The following SEMA3A variants were observed in gnomAD, a reference collection of about 807,000 sequenced individuals.
SEMA3A encodes semaphorin-3A.
A neutral mutation model predicts 97.9 loss-of-function variants in SEMA3A; 29 were observed. That is an observed-to-expected ratio of 0.30 (90% CI 0.22 to 0.40). SEMA3A has a LOEUF of 0.40. Among genes scored for constraint, SEMA3A ranks in the 10% least tolerant of loss-of-function variants. The probability of loss-of-function intolerance (pLI) is 1.00; values close to 1 mark genes in which losing one functional copy is unlikely to be tolerated. For missense variants in SEMA3A, 763 were observed against 951.3 expected (o/e 0.80, Z 2.60); for synonymous variants, 321 against 323.7 (o/e 0.99, Z 0.09).
Position 84,084,275 on chromosome 7 carries a change from T to C in SEMA3A, c.454-23717A>G, listed in dbSNP as rs141836952. Among the ~76,000 whole-genome samples, 499 of 152,224 alleles carry C rather than the reference T, an allele frequency of 3.3e-3. 1 individual carries two copies. The highest frequency in any genetic ancestry group is 0.012 in the African/African-American group (481 of 41,576). ...AAAGCTGATTATAAAGGCCAATGAC[T>C]ACCTGGCTATTGTTTTTACTTAGTC... is the stretch of plus-strand genomic sequence containing the variant. On this transcript the variant is annotated intron_variant, in intron 4 of 16. Transcript: ENST00000265362.
chr7:83,997,184 A>C (rs1180287606), intron 12 of SEMA3A, among the ~76,000 whole-genome samples: 1 of 152,210 alleles, frequency 6.6e-6, no homozygotes, highest in Non-Finnish European at 1.5e-5. Context: ...GGGTAACATT[A>C]AATGTCTTTA....
intron 5 of SEMA3A, among the ~76,000 whole-genome samples, chr7:84,050,572 T>C (rs1792579961): frequency 6.6e-6 from 1 of 152,108 alleles, no homozygotes. Flanking sequence ...TTTTTTCTTG[T>C]AAATTTGTTT....
intron 5 of SEMA3A, among the ~76,000 whole-genome samples, chr7:84,048,255 T>C (rs1018518137): frequency 6.6e-6 from 1 of 151,982 alleles, no homozygotes; most frequent in African/African-American, 2.4e-5. Context: ...TAAATCTGAA[T>C]TGCTCTCACT....
intron 1 of SEMA3A, among the ~76,000 whole-genome samples, chr7:84,172,647 C>T (rs1284194248): frequency 2.6e-5 from 4 of 152,030 alleles, no homozygotes; most frequent in Non-Finnish European, 5.9e-5. Context: ...AGGATGGTCT[C>T]GATCTCCTGA....
chr7:84,061,398 ATG>A (rs1562744266), intron 4 of SEMA3A, among the ~76,000 whole-genome samples: 1 of 152,150 alleles, frequency 6.6e-6, no homozygotes, highest in Non-Finnish European at 1.5e-5. Context: ...TGTTGTCAGA[ATG>A]TGTCTACCTA....
At chr7:84,295,751 T>G (rs1227996988) in intron 3 of SEMA3A, among the ~76,000 whole-genome samples, 1 of 152,096 alleles carries the variant, frequency 6.6e-6, no homozygotes, top group Non-Finnish European at 1.5e-5. Flanking sequence ...CAACTACATT[T>G]TGTACCTCTT....
At chr7:84,084,327 A>G (rs1794260434) in intron 4 of SEMA3A, among the ~76,000 whole-genome samples, 1 of 152,084 alleles carries the variant, frequency 6.6e-6, no homozygotes, top group South Asian at 2.1e-4. Context: ...ATGGTCAAAT[A>G]GTTATAACAA....
chr7:83,989,572 GT>G (rs1789805962), intron 12 of SEMA3A, among the ~76,000 whole-genome samples: 1 of 134,192 alleles, frequency 7.5e-6, no homozygotes, highest in Non-Finnish European at 1.6e-5. Context: ...GCGGTGTTTG[GT>G]TTTTTGTTCT....
chr7:84,423,656 C>T (rs936089711), intron 1 of SEMA3A, among the ~76,000 whole-genome samples: 2 of 151,868 alleles, frequency 1.3e-5, no homozygotes, highest in Non-Finnish European at 2.9e-5. Context: ...TTCTTTGTTT[C>T]CCCAAATGAA....
At chr7:84,473,189 C>CT (rs1266074049) in intron 1 of SEMA3A, among the ~76,000 whole-genome samples, 1 of 138,346 alleles carries the variant, frequency 7.2e-6, no homozygotes, top group Non-Finnish European at 1.5e-5. Context: ...CTACATACTT[C>CT]TTAAGTATTA....
At chr7:84,312,323 A>T (rs75080499) in intron 2 of SEMA3A, among the ~76,000 whole-genome samples, 1 of 151,904 alleles carries the variant, frequency 6.6e-6, no homozygotes. Flanking sequence ...AGCAGACTCT[A>T]CATCAGCCTG....
chr7:84,045,239 T>C (rs1213029565), intron 6 of SEMA3A, among the ~76,000 whole-genome samples: 3 of 151,964 alleles, frequency 2.0e-5, no homozygotes, highest in African/African-American at 2.4e-5. Flanking sequence ...TAGAATGAGA[T>C]ATTCAGGCAT....
intron 6 of SEMA3A, among the ~76,000 whole-genome samples, chr7:84,016,776 A>C (rs1411942360): frequency 6.6e-6 from 1 of 152,214 alleles, no homozygotes; most frequent in Non-Finnish European, 1.5e-5. Context: ...AAATTTGTAA[A>C]ATGTTAACAA....
chr7:84,244,762 C>T (rs1022267501), intron 3 of SEMA3A, among the ~76,000 whole-genome samples: 1 of 151,996 alleles, frequency 6.6e-6, no homozygotes, highest in African/African-American at 2.4e-5. Flanking sequence ...CCTTCAGGAG[C>T]TCTTGTAAGA....
chr7:84,237,464 GA>G (rs1037052014), intron 3 of SEMA3A, among the ~76,000 whole-genome samples: 2 of 152,072 alleles, frequency 1.3e-5, no homozygotes, highest in Non-Finnish European at 2.9e-5. Context: ...ACGAAGAGAA[GA>G]AGGGAGAGGA....
rs778203883 is a variant in SEMA3A, at chr7:84,011,195, A to T, written c.913T>A (p.Phe305Ile). 1 of 1,613,372 alleles carries T rather than the reference A, an allele frequency of 6.2e-7. No homozygotes were observed. Among genetic ancestry groups the T allele is most frequent in the Admixed American group, 1.7e-5 (1 of 60,018 alleles). ...ACTAGCTTCTTACGCAGTTCATCAA[A>T]ATGAGTGTCAATGCCATTTGGACCT... ...VPGPNGIDTH[F>I]DELQDVFLMN... Residue 305 changes from phenylalanine to isoleucine, a missense_variant, in exon 8 of 17, where the codon TTT (phenylalanine) becomes ATT (isoleucine). Transcript: ENST00000265362.
intron 1 of SEMA3A, among the ~76,000 whole-genome samples, chr7:84,415,158 C>A (rs1804397741): frequency 6.6e-6 from 1 of 152,016 alleles, no homozygotes; most frequent in Admixed American, 6.6e-5. Flanking sequence ...GTTGTTGTTT[C>A]AAACAGATAG....
At chr7:84,407,832 G>A (rs1306630405) in intron 1 of SEMA3A, among the ~76,000 whole-genome samples, 2 of 152,246 alleles carry the variant, frequency 1.3e-5, no homozygotes, top group East Asian at 1.9e-4. Flanking sequence ...GGGAAAACTG[G>A]TTAGCCATAT....
intron 15 of SEMA3A, among the ~76,000 whole-genome samples, chr7:83,968,862 G>A (rs1788817514): frequency 7.6e-6 from 1 of 131,382 alleles, no homozygotes; most frequent in African/African-American, 3.0e-5. Flanking sequence ...CCAGGCTGGA[G>A]TGCAGTGGCA....
Sources: gnomAD v4.1 joint callset for allele counts (sites outside exome capture counted in the v4.1 genomes callset) on GRCh38, gnomAD v4.1.1 for gene constraint, MANE v1.5 for transcripts, NCBI Gene and HGNC (gene_info 2026-07-23, HGNC 2026-07-21) for gene names.